The following SLC25A41 variants were observed in gnomAD, a reference collection of about 807,000 sequenced individuals.
The protein encoded by SLC25A41 is mitochondrial carrier protein SCaMC-3L.
In SLC25A41, 35 loss-of-function variants were observed where a neutral mutation model predicts 34.7. The ratio of observed to expected loss-of-function variants is 1.01; its 90% CI spans 0.77 to 1.34. The LOEUF (loss-of-function observed/expected upper bound fraction) is 1.34. Among genes scored for constraint, SLC25A41 ranks in the 40% most tolerant of loss-of-function variants. The pLI, the probability that SLC25A41 is intolerant of heterozygous loss-of-function variation, is 0.00. For synonymous variants in SLC25A41, 190 were observed against 209.9 expected (o/e 0.91, Z 0.82); for missense variants, 492 against 489.8 (o/e 1.00, Z -0.04).
intron 2 of SLC25A41, among the ~76,000 whole-genome samples, chr19:6,431,171 T>A (rs1281880095): frequency 6.6e-6 from 1 of 151,962 alleles, no homozygotes; most frequent in Non-Finnish European, 1.5e-5. Flanking sequence ...AGAGATGTGG[T>A]CTGACTATAT....
At position 6,427,806 on chromosome 19, in the gene SLC25A41, G is replaced by T. The variant is rs1381712089; in HGVS notation, c.625-305C>A. ...GTTCGAGACCAGCCTGGGCAACATA[G>T]CGAGACCCCATCTTTACAAAAAAAT... On this transcript the variant is annotated intron_variant, in intron 4 of 6. Coordinates refer to ENST00000321510, the MANE Select transcript of SLC25A41 (RefSeq NM_173637.4). This position sits in a 1 kb window ranked among gnomAD's most constrained non-coding sequence, Gnocchi z 4.9. Among the ~76,000 whole-genome samples, 1 of 152,144 alleles carries T rather than the reference G, an allele frequency of 6.6e-6. No individual in the cohort carries two copies. The highest frequency in any genetic ancestry group is 2.4e-5 in the African/African-American group (1 of 41,428).
chr19:6,433,907 A>G (rs1457905157), upstream of SLC25A41: 1 of 461,408 alleles, frequency 2.2e-6, no homozygotes, highest in Non-Finnish European at 3.8e-6. Flanking sequence ...TAAATATGTT[A>G]TCGTTATAAA....
intron 6 of SLC25A41, 57 bp from the exon 7 acceptor site, chr19:6,426,618 G>T: frequency 1.2e-5 from 19 of 1,579,018 alleles, no homozygotes; most frequent in Non-Finnish European, 1.3e-5. Context: ...CCTCCTAGGA[G>T]TCTGGAATGT....
In SLC25A41 at chr19:6,432,049, C is replaced by G. The variant is rs778019967; in HGVS notation, c.363G>C (p.Gln121His). ...CGTCCTCCCCCCAACCCACACAAACCTGCATGTACACCTTGGCTCTGTCCA... is the reference window on the plus strand; with the variant it reads ...CGTCCTCCCCCCAACCCACACAAACGTGCATGTACACCTTGGCTCTGTCCA... The part of the protein sequence containing the change: ...APLDRAKVYM[Q>H]VYSSKTNFTN... The change falls in exon 2 of 7, where the codon CAG becomes CAC. Residue 121 changes from glutamine to histidine, a missense_variant and splice_region_variant. Coordinates refer to ENST00000321510, the MANE Select transcript of SLC25A41 (RefSeq NM_173637.4). 5.0e-6 allele frequency: 8 copies of G among 1,610,400 alleles called. No individual in the cohort carries two copies. In the South Asian group the frequency reaches 8.8e-5, roughly 18 times the overall value.
At chr19:6,434,846 T>A (rs1161734193), upstream of SLC25A41, among the ~76,000 whole-genome samples, 1 of 151,766 alleles carries the variant, frequency 6.6e-6, no homozygotes, top group Non-Finnish European at 1.5e-5. Context: ...GAGACAGAGG[T>A]TGCAGTGGGC....
In SLC25A41 at chr19:6,427,279, T is replaced by C; in HGVS notation, c.793-29A>G. 6.2e-7 allele frequency: 1 copy of C among 1,610,112 alleles called. No homozygotes were observed. Among genetic ancestry groups the C allele is most frequent in the Non-Finnish European group, 8.5e-7 (1 of 1,177,888 alleles). On this transcript the variant is annotated intron_variant, in intron 5 of 6. Transcript: ENST00000321510. The surrounding 1 kb of genome is among the most constrained non-coding windows in gnomAD (Gnocchi z 4.9). Reference sequence around the variant, plus strand: ...CAAGAGAAGGGGGCCAGGAGAAAGCTCACTAGGAGCCTGGGCTCCGGCCAG... The same window carrying C: ...CAAGAGAAGGGGGCCAGGAGAAAGCCCACTAGGAGCCTGGGCTCCGGCCAG...
In SLC25A41 at chr19:6,430,082, A is replaced by G. The variant is rs997243271; in HGVS notation, c.443T>C (p.Leu148Pro). Reference sequence around the variant, plus strand: ...CACGTTGATGCCGTTGCCCCGCCACAGGGAGCGGAAGCCGCCCTCCTGGAC... The same window carrying G: ...CACGTTGATGCCGTTGCCCCGCCACGGGGAGCGGAAGCCGCCCTCCTGGAC... Reference protein sequence around the residue: ...SMVQEGGFRSLWRGNGINVLK... With the variant: ...SMVQEGGFRSPWRGNGINVLK... The change falls in exon 3 of 7, where the codon CTG becomes CCG. Residue 148 changes from leucine to proline, a missense_variant. By Grantham distance (98) the Leu-to-Pro change is moderately conservative. Transcript: ENST00000321510. 3 of 1,613,328 alleles carry G rather than the reference A, an allele frequency of 1.9e-6. No homozygotes were observed. The highest frequency in any genetic ancestry group is 8.5e-7 in the Non-Finnish European group (1 of 1,179,626).
intron 2 of SLC25A41, among the ~76,000 whole-genome samples, chr19:6,430,960 C>T (rs912873143): frequency 4.7e-5 from 7 of 149,984 alleles, no homozygotes; most frequent in East Asian, 4.0e-4. Flanking sequence ...ACTACAGGTG[C>T]GTGCTACCAT....
chr19:6,426,916 G>A (rs1289744838), intron 6 of SLC25A41, among the ~76,000 whole-genome samples, 187 bp downstream of exon 6: 1 of 152,120 alleles, frequency 6.6e-6, no homozygotes, highest in Non-Finnish European at 1.5e-5. Context: ...GGGACCACAG[G>A]TCCATACTAC....
chr19:6,432,293 AC>A, intron 1 of SLC25A41, 89 bp from the exon 2 acceptor site: 1 of 1,394,154 alleles, frequency 7.2e-7, no homozygotes, highest in Non-Finnish European at 9.6e-7. Context: ...CTGGTGAAAG[AC>A]CCACCCTGTT....
At chr19:6,429,312 TG>T in intron 4 of SLC25A41, among the ~76,000 whole-genome samples, 1 of 48,422 alleles carries the variant, frequency 2.1e-5, no homozygotes, top group African/African-American at 6.1e-5. Flanking sequence ...AGGAGGAGAT[TG>T]GAGAGGAGGA....
intron 4 of SLC25A41, among the ~76,000 whole-genome samples, chr19:6,428,602 G>C (rs1051701670): frequency 6.9e-6 from 1 of 145,270 alleles, no homozygotes; most frequent in Non-Finnish European, 1.5e-5. Flanking sequence ...TATATAATTA[G>C]ATACATTAAA....
chr19:6,427,074 T>G lies in SLC25A41; in HGVS notation c.940+29A>C, dbSNP rs748835515. ...GCCAGGGTGGGGCGGGGAAGGGGCA[T>G]GCGTGGTGGCCGCTGGGGACAGGCT... On this transcript the variant is annotated intron_variant, in intron 6 of 6. Coordinates refer to ENST00000321510, the MANE Select transcript of SLC25A41 (RefSeq NM_173637.4). The surrounding 1 kb of genome is among the most constrained non-coding windows in gnomAD (Gnocchi z 4.9). 21 of 1,573,292 alleles carry G rather than the reference T, an allele frequency of 1.3e-5. No homozygotes were observed. In the African/African-American group the frequency reaches 2.3e-4, roughly 17 times the overall value.
At chr19:6,435,875 G>A (rs933139831), upstream of SLC25A41, among the ~76,000 whole-genome samples, 1 of 151,860 alleles carries the variant, frequency 6.6e-6, no homozygotes, top group African/African-American at 2.4e-5. Flanking sequence ...AAAAAAAGTA[G>A]TCAGGCATGG....
intron 2 of SLC25A41, among the ~76,000 whole-genome samples, chr19:6,431,639 G>A (rs57691741): frequency 0.014 from 2,194 of 151,518 alleles, 51 homozygotes; most frequent in African/African-American, 0.051. Flanking sequence ...ACAGGGTTTC[G>A]CCATGTTGGC....
intron 2 of SLC25A41, among the ~76,000 whole-genome samples, 151 bp from the exon 3 acceptor site, chr19:6,430,312 G>A (rs1034116071): frequency 7.5e-6 from 1 of 133,428 alleles, no homozygotes; most frequent in Non-Finnish European, 1.6e-5. Flanking sequence ...CTCCTTCCCC[G>A]GCCAGTTCTA....
In SLC25A41 at chr19:6,430,574, G is replaced by C. The variant is rs546834546; in HGVS notation, c.364-413C>G. On this transcript the variant is annotated intron_variant, in intron 2 of 6. Transcript: ENST00000321510. The stretch of plus-strand genomic sequence containing the variant: ...GGGATCTCGGCTCACTGCAACCTCC[G>C]CCTCCCAGGTTCAGGCGATTCTCCT... 5.4e-5 allele frequency: 19 copies of C among 349,938 alleles called. 1 individual carries two copies. In the Admixed American group the frequency reaches 5.7e-4, roughly 11 times the overall value. 21.7% of individuals were successfully genotyped at this position (349,938 alleles called of 1,614,324 possible).
At chr19:6,431,542 C>T (rs531181906) in intron 2 of SLC25A41, among the ~76,000 whole-genome samples, 23 of 152,048 alleles carry the variant, frequency 1.5e-4, no homozygotes, top group Admixed American at 3.9e-4. Context: ...TGGGTTCAAG[C>T]AATTCTCCTG....
intron 4 of SLC25A41, among the ~76,000 whole-genome samples, chr19:6,429,144 A>AC (rs1491568414): frequency 2.6e-4 from 8 of 30,672 alleles, no homozygotes; most frequent in Non-Finnish European, 3.5e-4. Context: ...ATATATATAT[A>AC]ATATATATAT....
Sources: allele counts gnomAD v4.1 joint callset (sites outside exome capture counted in the v4.1 genomes callset), GRCh38; gene constraint gnomAD v4.1.1; non-coding constraint Gnocchi (gnomAD v3.1); transcripts MANE v1.5; gene names NCBI Gene and HGNC (gene_info 2026-07-23, HGNC 2026-07-21).